SVIL: variants seen among roughly 807,000 people sequenced by gnomAD.
SVIL encodes supervillin.
Under a neutral mutation model 240.4 loss-of-function variants are expected in SVIL, and 101 were observed. The ratio of observed to expected loss-of-function variants is 0.42; its 90% CI spans 0.36 to 0.50. The LOEUF is 0.50. Ranked by LOEUF, SVIL falls within the 20% of genes least tolerant of loss-of-function variation. The pLI, the probability that SVIL is intolerant of heterozygous loss-of-function variation, is 0.01. For missense variants in SVIL, 2,512 were observed against 2,818.7 expected, an observed-to-expected ratio of 0.89 and a Z score of 2.46; for synonymous variants, 999 against 1,100.0, an observed-to-expected ratio of 0.91 and a Z score of 1.82.
intron 1 of SVIL, among the ~76,000 whole-genome samples, chr10:29,715,506 G>A (rs192775755): frequency 8.2e-4 from 125 of 152,306 alleles, no homozygotes; most frequent in Non-Finnish European, 1.3e-3. Context: ...TGAGTCATTG[G>A]TTAGTAACCC....
intron 1 of SVIL, among the ~76,000 whole-genome samples, chr10:29,705,521 C>T (rs1050011854): frequency 3.3e-5 from 5 of 151,780 alleles, no homozygotes; most frequent in Non-Finnish European, 7.4e-5. Context: ...GCAGAATGTG[C>T]AGGTTTATTA....
chr10:29,499,697 T>C (rs1450110735), intron 17 of SVIL, among the ~76,000 whole-genome samples: 5 of 152,228 alleles, frequency 3.3e-5, no homozygotes, highest in Admixed American at 6.5e-5. Context: ...ACTTTATCCA[T>C]GTGAGCACAC....
intron 29 of SVIL, among the ~76,000 whole-genome samples, chr10:29,478,287 G>A (rs985038081): frequency 1.4e-4 from 22 of 152,152 alleles, no homozygotes; most frequent in Admixed American, 1.2e-3. Flanking sequence ...TATTGTTATT[G>A]TTTTGGGGAG....
intron 24 of SVIL, 140 bp downstream of exon 24, chr10:29,487,023 A>T: frequency 9.3e-7 from 1 of 1,079,352 alleles, no homozygotes; most frequent in South Asian, 1.7e-5. Context: ...GACATTCAGG[A>T]AAAGAAATCC....
Position 29,524,616 on chromosome 10 carries a change from G to T in SVIL, c.2442C>A (p.Ser814Arg). Residue 814 changes from serine (S) to arginine (R), a missense_variant, in exon 14 of 38, where the codon AGC becomes AGA. Transcript: ENST00000355867. ...EQGEPDSSTL[S>R]LAEKLALFNK... The stretch of plus-strand genomic sequence containing the variant: ...TAAACAAGGCCAACTTTTCGGCCAA[G>T]CTTAGAGTGGAGGAATCAGGTTCTC... 1 of 1,614,174 alleles carries T rather than the reference G, an allele frequency of 6.2e-7. No individual in the cohort carries two copies. Among genetic ancestry groups the T allele is most frequent in the South Asian group, 1.1e-5 (1 of 91,088 alleles).
At chr10:29,720,357 A>G (rs149637053) in intron 1 of SVIL, among the ~76,000 whole-genome samples, 1 of 152,346 alleles carries the variant, frequency 6.6e-6, no homozygotes, top group East Asian at 1.9e-4. Flanking sequence ...AAAATTGTCA[A>G]TCTATAATTC....
chr10:29,726,276 T>C (rs1346127991), intron 1 of SVIL, among the ~76,000 whole-genome samples: 1 of 152,164 alleles, frequency 6.6e-6, no homozygotes, highest in Non-Finnish European at 1.5e-5. Context: ...TCCTTCTTTA[T>C]GTGCAGAGAT....
intron 1 of SVIL, among the ~76,000 whole-genome samples, chr10:29,622,214 C>T (rs989632770): frequency 1.4e-5 from 2 of 138,440 alleles, no homozygotes; most frequent in African/African-American, 2.8e-5. Flanking sequence ...CGCGCCACTG[C>T]ACTCCAGCCT....
intron 1 of SVIL, among the ~76,000 whole-genome samples, chr10:29,717,472 T>C (rs557203188): frequency 6.6e-6 from 1 of 152,256 alleles, no homozygotes; most frequent in East Asian, 1.9e-4. Context: ...TGTGGATGAC[T>C]TCACTGAAAT....
At chr10:29,730,930 G>C (rs1964582798) in intron 1 of SVIL, among the ~76,000 whole-genome samples, 1 of 152,210 alleles carries the variant, frequency 6.6e-6, no homozygotes, top group Non-Finnish European at 1.5e-5. Context: ...AGATGTTTTG[G>C]GGTGCTGGCC....
intron 16 of SVIL, among the ~76,000 whole-genome samples, chr10:29,519,358 T>G (rs952894252): frequency 6.6e-6 from 1 of 152,166 alleles, no homozygotes; most frequent in Non-Finnish European, 1.5e-5. Flanking sequence ...CCCTGGAGGC[T>G]ACCGGAGCCG....
intron 1 of SVIL, among the ~76,000 whole-genome samples, chr10:29,597,628 G>C (rs1417589490): frequency 1.3e-5 from 2 of 151,994 alleles, no homozygotes; most frequent in Admixed American, 6.6e-5. Context: ...TCGAACTCCT[G>C]ACCTCAAGTG....
intron 32 of SVIL, among the ~76,000 whole-genome samples, chr10:29,470,015 A>G (rs1441602516): frequency 6.6e-6 from 1 of 152,222 alleles, no homozygotes; most frequent in Non-Finnish European, 1.5e-5. Context: ...AGTGCTTCCA[A>G]GAGTCACTCC....
chr10:29,581,349 C>T (rs939929253), intron 1 of SVIL, among the ~76,000 whole-genome samples: 2 of 152,174 alleles, frequency 1.3e-5, no homozygotes, highest in African/African-American at 4.8e-5. Flanking sequence ...CCAGATTCCT[C>T]ATTTTAGTCT....
intron 22 of SVIL, among the ~76,000 whole-genome samples, chr10:29,489,852 A>G (rs1398570149): frequency 6.6e-6 from 1 of 152,176 alleles, no homozygotes; most frequent in Non-Finnish European, 1.5e-5. Context: ...CCAGTCTGAA[A>G]TATACTTTCA....
intron 2 of SVIL, among the ~76,000 whole-genome samples, chr10:29,671,578 C>T (rs1262484070): frequency 6.6e-6 from 1 of 152,186 alleles, no homozygotes; most frequent in Admixed American, 6.5e-5. Context: ...CTGGGACTTC[C>T]GATCACATAT....
chr10:29,680,387 G>A (rs560484024), intron 2 of SVIL, among the ~76,000 whole-genome samples: 89 of 152,306 alleles, frequency 5.8e-4, no homozygotes, highest in African/African-American at 2.0e-3. Flanking sequence ...GAGGGAAGGT[G>A]TTCCAGGTAG....
intron 23 of SVIL, 90 bp downstream of exon 23, chr10:29,488,511 A>T (rs1277228677): frequency 1.3e-5 from 18 of 1,375,524 alleles, no homozygotes; most frequent in Non-Finnish European, 1.6e-5. Context: ...CTTTCCCGGC[A>T]CAGGCAATGA....
In SVIL at chr10:29,470,445, C is replaced by G. The variant is rs751182213; in HGVS notation, c.5674G>C (p.Val1892Leu). 3.7e-6 allele frequency: 6 copies of G among 1,614,070 alleles called. No homozygotes were observed. In the African/African-American group the frequency reaches 6.7e-5, roughly 18 times the overall value. ...GCCACTTCCAGCAAATTCCCTTCCACGGGCACCTCTCCACGCACGCAGTAC... is the reference window on the plus strand; with the variant it reads ...GCCACTTCCAGCAAATTCCCTTCCAGGGGCACCTCTCCACGCACGCAGTAC... The part of the protein sequence containing the change: ...RLYCVRGEVP[V>L]EGNLLEVACH... Residue 1892 changes from valine to leucine, a missense_variant, in exon 32 of 38, where the codon GTG becomes CTG. This residue lies in a region of SVIL where 797 missense variants were observed against 925.3 expected (regional missense o/e 0.86). Transcript: ENST00000355867.
Sources: allele counts gnomAD v4.1 joint callset (sites outside exome capture counted in the v4.1 genomes callset), GRCh38; gene constraint gnomAD v4.1.1; regional missense constraint gnomAD v4.1.1; transcripts MANE v1.5; gene names NCBI Gene and HGNC (gene_info 2026-07-23, HGNC 2026-07-21).